The following MYO9A variants were observed in gnomAD, a reference collection of about 807,000 sequenced individuals.
The protein encoded by MYO9A is myosin IXA.
In MYO9A, 103 loss-of-function variants were observed where a neutral mutation model predicts 293.3. The observed-to-expected ratio is 0.35, with a 90% CI of 0.30 to 0.41. MYO9A has a LOEUF of 0.41. MYO9A is among the 10% of genes least tolerant of loss of function. The pLI is 1.00. For synonymous variants in MYO9A, 1,001 were observed against 1,035.7 expected (o/e 0.97, Z 0.64); for missense variants, 2,685 against 3,033.0 (o/e 0.89, Z 2.69).
At chr15:71,976,126 C>T (rs2076141762) in intron 12 of MYO9A, among the ~76,000 whole-genome samples, 1 of 152,052 alleles carries the variant, frequency 6.6e-6, no homozygotes, top group African/African-American at 2.4e-5. Context: ...ACTGAGCCCT[C>T]GATCTGTGGG....
chr15:71,995,092 C>A (rs938220057), intron 9 of MYO9A, among the ~76,000 whole-genome samples: 1 of 152,150 alleles, frequency 6.6e-6, no homozygotes, highest in Admixed American at 6.5e-5. Flanking sequence ...TACGTTAAAA[C>A]TGCCATTAAA....
chr15:71,887,629 G>A (rs2057059355), intron 27 of MYO9A, among the ~76,000 whole-genome samples: 1 of 152,068 alleles, frequency 6.6e-6, no homozygotes, highest in Middle Eastern at 3.2e-3. Flanking sequence ...ATTGTTCATT[G>A]TTGAAGACAA....
chr15:71,935,555 A>G lies in MYO9A; in HGVS notation c.2379-71T>C, dbSNP rs2058617956. On this transcript the variant is annotated intron_variant, in intron 16 of 41. Transcript: ENST00000356056. ...ACTATACTGCTTAAATAAGTAAAAT[A>G]AAACTTTAAATACTAAAGTTAAAAT... 1.3e-5 allele frequency: 18 copies of G among 1,381,198 alleles called. No homozygotes were observed. The Admixed American group carries it at 4.0e-4, about 31-fold the overall frequency. The allele number at this position is 1,381,198 out of a possible 1,614,324, so 85.6% of individuals were successfully genotyped here.
chr15:72,073,047 T>A (rs1355444629), intron 1 of MYO9A, among the ~76,000 whole-genome samples: 2 of 152,210 alleles, frequency 1.3e-5, no homozygotes, highest in African/African-American at 4.8e-5. Context: ...TATTTCCCTT[T>A]AAGACCAGTC....
chr15:72,004,103 C>A (rs568267107), intron 8 of MYO9A, among the ~76,000 whole-genome samples: 1 of 152,108 alleles, frequency 6.6e-6, no homozygotes, highest in African/African-American at 2.4e-5. Context: ...ACCCAATTCA[C>A]GATTTTTTAA....
At position 72,008,078 on chromosome 15, in the gene MYO9A, T is replaced by C. The variant is rs1212336568; in HGVS notation, c.1254-126A>G. On this transcript the variant is annotated intron_variant, in intron 7 of 41. Coordinates refer to ENST00000356056, the MANE Select transcript of MYO9A (RefSeq NM_006901.4). ...TATTTAGTCTTTGGAAAATAAGCAA[T>C]ATGGGAATAATTACTAAAATTTACT... is the stretch of plus-strand genomic sequence containing the variant. 4 of 1,163,964 alleles carry C rather than the reference T, an allele frequency of 3.4e-6. No individual in the cohort carries two copies. The Admixed American group carries it at 8.7e-5, about 25-fold the overall frequency. 72.1% of individuals were successfully genotyped at this position (1,163,964 alleles called of 1,614,324 possible). A position where few individuals can be genotyped will look rare whatever the true frequency, so the allele number is the denominator to read the frequency against.
rs5813671 is a variant in MYO9A, at chr15:71,959,848, TA to T, written c.2182+52del. The T allele has an allele frequency of 0.054, 59,635 of 1,113,220 alleles. No homozygotes were observed. Among genetic ancestry groups the T allele is most frequent in the South Asian group, 0.061 (3,693 of 61,026 alleles). 69.0% of individuals were successfully genotyped at this position (1,113,220 alleles called of 1,614,324 possible). A position where few individuals can be genotyped will look rare whatever the true frequency, so the allele number is the denominator to read the frequency against. On this transcript the variant is annotated intron_variant, in intron 14 of 41. Transcript: ENST00000356056. ...TCCTTTTTGTGGAGAAGTAGAAAGG[TA>T]AAAAAAAAAAAAAAGATGAAGTATG...
chr15:72,077,780 T>A (rs1461013978), intron 1 of MYO9A, among the ~76,000 whole-genome samples: 100 of 111,634 alleles, frequency 9.0e-4, no homozygotes, highest in African/African-American at 3.0e-3. Flanking sequence ...TATATATATA[T>A]AAACACATAA....
intron 38 of MYO9A, among the ~76,000 whole-genome samples, chr15:71,849,511 A>G (rs546090894): frequency 6.6e-6 from 1 of 152,210 alleles, no homozygotes; most frequent in East Asian, 1.9e-4. Flanking sequence ...ACAAATCCCA[A>G]TGCCCAGGCT....
chr15:72,092,330 G>A (rs984244735), intron 1 of MYO9A, among the ~76,000 whole-genome samples: 4 of 152,228 alleles, frequency 2.6e-5, no homozygotes, highest in African/African-American at 9.6e-5. Context: ...TTGGCACTGA[G>A]CAGAAAAGAA....
At chr15:71,916,684 G>C (rs2058021711) in intron 18 of MYO9A, among the ~76,000 whole-genome samples, 192 bp from the exon 19 acceptor site, 2 of 152,162 alleles carry the variant, frequency 1.3e-5, no homozygotes, top group Admixed American at 1.3e-4. Flanking sequence ...AAGCTAAAAA[G>C]AAAAGTACAC....
At chr15:72,088,556 T>A (rs1158656726) in intron 1 of MYO9A, among the ~76,000 whole-genome samples, 1 of 152,186 alleles carries the variant, frequency 6.6e-6, no homozygotes, top group Non-Finnish European at 1.5e-5. Context: ...CACTTACTAC[T>A]GTGACATATA....
intron 6 of MYO9A, among the ~76,000 whole-genome samples, chr15:72,017,240 C>T (rs2077372244): frequency 6.6e-6 from 1 of 151,902 alleles, no homozygotes; most frequent in Admixed American, 6.6e-5. Flanking sequence ...TCTCAAACTC[C>T]CAGTCTCAAG....
chr15:72,031,335 A>C (rs1405114723), intron 3 of MYO9A, among the ~76,000 whole-genome samples: 1 of 152,028 alleles, frequency 6.6e-6, no homozygotes, highest in Non-Finnish European at 1.5e-5. Flanking sequence ...AAAAATACAA[A>C]ATTAGCCAGG....
intron 1 of MYO9A, among the ~76,000 whole-genome samples, chr15:72,106,462 C>T (rs2080571905): frequency 6.6e-6 from 1 of 152,202 alleles, no homozygotes; most frequent in Admixed American, 6.5e-5. Context: ...ACTGCACTTG[C>T]TCTATCACTC....
chr15:72,026,579 G>A (rs1459451309), intron 4 of MYO9A, among the ~76,000 whole-genome samples: 1 of 148,120 alleles, frequency 6.8e-6, no homozygotes, highest in East Asian at 2.0e-4. Context: ...GCAGAAGGAA[G>A]GAAATAATAA....
intron 6 of MYO9A, among the ~76,000 whole-genome samples, chr15:72,012,619 ATTC>A (rs375668846): frequency 2.0e-3 from 300 of 152,176 alleles, no homozygotes; most frequent in African/African-American, 6.8e-3. Flanking sequence ...TTTTAAACAC[ATTC>A]TTCTTTTACC....
chr15:71,827,559 G>T (rs201518179), intron 41 of MYO9A, among the ~76,000 whole-genome samples: 2 of 152,108 alleles, frequency 1.3e-5, no homozygotes, highest in South Asian at 4.1e-4. Flanking sequence ...CAATCACGTT[G>T]AAGAGTTGGT....
rs558432636 is a variant in MYO9A at position 71,894,973 on chromosome 15, GATTA to G, written c.5043-1199_5043-1196del. On this transcript the variant is annotated intron_variant, in intron 25 of 41. Coordinates refer to ENST00000356056, the MANE Select transcript of MYO9A (RefSeq NM_006901.4). ...CACTAACTTATGATACTAGTTGGTAGATTAATTGTTCTTCCATTCAAAATCTTTC... is the reference window on the plus strand; with the variant it reads ...CACTAACTTATGATACTAGTTGGTAGATTGTTCTTCCATTCAAAATCTTTC... Among the ~76,000 whole-genome samples, 195 of 152,260 alleles carry G rather than the reference GATTA, an allele frequency of 1.3e-3. 2 individuals are homozygous for G. The South Asian group carries it at 0.015, about 12-fold the overall frequency.
Sources: allele counts gnomAD v4.1 joint callset (sites outside exome capture counted in the v4.1 genomes callset), GRCh38; gene constraint gnomAD v4.1.1; transcripts MANE v1.5; gene names NCBI Gene and HGNC (gene_info 2026-07-23, HGNC 2026-07-21).